The following OSTN variants were observed in gnomAD, a reference collection of about 807,000 sequenced individuals.
OSTN encodes osteocrin.
In OSTN, 9 loss-of-function variants were observed where a neutral mutation model predicts 12.0. The observed-to-expected ratio is 0.75, with a 90% confidence interval of 0.45 to 1.30. The LOEUF (loss-of-function observed/expected upper bound fraction) is 1.30. Ranked by LOEUF, OSTN falls within the 50% of genes most tolerant of loss-of-function variation. The pLI, the probability that OSTN is intolerant of heterozygous loss-of-function variation, is 0.00. For missense variants in OSTN, 148 were observed against 152.3 expected, an observed-to-expected ratio of 0.97 and a Z score of 0.15; for synonymous variants, 59 against 56.9, an observed-to-expected ratio of 1.04 and a Z score of -0.16.
chr3:191,260,625 G>A (rs1013629804), intron 4 of OSTN, among the ~76,000 whole-genome samples: 1 of 152,056 alleles, frequency 6.6e-6, no homozygotes, highest in African/African-American at 2.4e-5. Context: ...CCCCGCCCCC[G>A]AGCTTGGGAG....
intron 3 of OSTN, among the ~76,000 whole-genome samples, chr3:191,244,322 T>C (rs2108548704): frequency 6.6e-6 from 1 of 152,112 alleles, no homozygotes; most frequent in African/African-American, 2.4e-5. Flanking sequence ...CTAATCATTG[T>C]GATTGTATTA....
In OSTN at chr3:191,206,708, C is replaced by T. The variant is rs138939959; in HGVS notation, c.1-5825C>T. Among the ~76,000 whole-genome samples the T allele has an allele frequency of 1.7e-3, 255 of 152,336 alleles. 2 individuals are homozygous for T. Among genetic ancestry groups the T allele is most frequent in the African/African-American group, 6.0e-3 (248 of 41,578 alleles). ...AAAGTGTTTGCCCAACATCACATCA[C>T]TAAATAGCAACAGAGGCAATGAAGA... On this transcript the variant is annotated intron_variant, in intron 1 of 4. Coordinates refer to ENST00000682035, the MANE Select transcript of OSTN (RefSeq NM_198184.2).
chr3:191,244,025 G>A (rs1479956359), intron 3 of OSTN, among the ~76,000 whole-genome samples: 1 of 152,076 alleles, frequency 6.6e-6, no homozygotes, highest in Non-Finnish European at 1.5e-5. Context: ...AGGAATACCA[G>A]AATTTCTAAA....
intron 4 of OSTN, among the ~76,000 whole-genome samples, chr3:191,262,351 T>G (rs1715831347): frequency 6.6e-6 from 1 of 152,246 alleles, no homozygotes. Context: ...TATATTGACA[T>G]ATATTGACAT....
At chr3:191,224,799 C>T (rs568789256) in intron 3 of OSTN, among the ~76,000 whole-genome samples, 1 of 151,946 alleles carries the variant, frequency 6.6e-6, no homozygotes, top group African/African-American at 2.4e-5. Flanking sequence ...TGTATTCTTA[C>T]ACACTTTATT....
intron 1 of OSTN, among the ~76,000 whole-genome samples, chr3:191,211,909 G>A (rs146588102): frequency 0.014 from 2,193 of 152,006 alleles, 14 homozygotes; most frequent in Non-Finnish European, 0.022. Flanking sequence ...TACATATCAT[G>A]TATATATTCA....
At chr3:191,256,047 G>A (rs1715662617) in intron 4 of OSTN, among the ~76,000 whole-genome samples, 1 of 151,908 alleles carries the variant, frequency 6.6e-6, no homozygotes, top group African/African-American at 2.4e-5. Flanking sequence ...AAGAGTCAGA[G>A]TAAAATAATA....
intron 3 of OSTN, among the ~76,000 whole-genome samples, chr3:191,241,989 A>C (rs933690012): frequency 6.6e-6 from 1 of 152,140 alleles, no homozygotes; most frequent in Admixed American, 6.5e-5. Context: ...AAAAATAGCA[A>C]AACAAATAGC....
At chr3:191,237,074 A>T (rs1715210007) in intron 3 of OSTN, among the ~76,000 whole-genome samples, 1 of 152,150 alleles carries the variant, frequency 6.6e-6, no homozygotes. Flanking sequence ...GAGGGGAAAA[A>T]TGGCAGGGAG....
intron 1 of OSTN, among the ~76,000 whole-genome samples, chr3:191,211,932 TTAAG>T (rs1203942936): frequency 6.6e-6 from 1 of 152,106 alleles, no homozygotes; most frequent in Non-Finnish European, 1.5e-5. Context: ...ATATCTTCCA[TTAAG>T]TAATTTGTCT....
chr3:191,231,249 CA>C (rs1172903876), intron 3 of OSTN, among the ~76,000 whole-genome samples: 3 of 151,832 alleles, frequency 2.0e-5, no homozygotes, highest in Non-Finnish European at 4.4e-5. Flanking sequence ...TAGTTAAAAA[CA>C]ATTTCAGACT....
chr3:191,234,174 G>A (rs1291206511), intron 3 of OSTN, among the ~76,000 whole-genome samples: 1 of 151,932 alleles, frequency 6.6e-6, no homozygotes, highest in Non-Finnish European at 1.5e-5. Flanking sequence ...TAATATTTTA[G>A]GTCAGTAAAG....
At chr3:191,235,289 C>A (rs558262358) in intron 3 of OSTN, among the ~76,000 whole-genome samples, 1 of 152,116 alleles carries the variant, frequency 6.6e-6, no homozygotes, top group South Asian at 2.1e-4. Flanking sequence ...TTATATGTGA[C>A]CCCAAACCAT....
intron 3 of OSTN, among the ~76,000 whole-genome samples, chr3:191,248,268 T>G (rs1217258968): frequency 6.6e-6 from 1 of 152,162 alleles, no homozygotes; most frequent in African/African-American, 2.4e-5. Flanking sequence ...CTGAGAATAG[T>G]CAGTTATAGG....
At chr3:191,201,652 G>A (rs2108586736) in intron 1 of OSTN, among the ~76,000 whole-genome samples, 1 of 152,078 alleles carries the variant, frequency 6.6e-6, no homozygotes, top group South Asian at 2.1e-4. Flanking sequence ...TGCACCAAAT[G>A]TTAGAGTGAT....
chr3:191,224,962 A>G (rs1016950642), intron 3 of OSTN, among the ~76,000 whole-genome samples: 1 of 152,214 alleles, frequency 6.6e-6, no homozygotes, highest in Admixed American at 6.5e-5. Context: ...GCAGAAAAAA[A>G]GCATAAGGTA....
intron 3 of OSTN, among the ~76,000 whole-genome samples, chr3:191,247,487 A>G (rs2108550619): frequency 6.6e-6 from 1 of 152,306 alleles, no homozygotes; most frequent in African/African-American, 2.4e-5. Context: ...ATTTTTATCT[A>G]GGAGAAAAAA....
chr3:191,265,540 C>T lies in OSTN; in HGVS notation c.*2687C>T, dbSNP rs572457300. ...ATAAAAAGCTTTCTGAATGATATTA[C>T]CCCTTATACCTAAAGGCTCAAGATG... On this transcript the variant is annotated 3_prime_UTR_variant, in exon 5 of 5. Transcript: ENST00000682035. The T allele has an allele frequency of 6.6e-6, 1 of 152,292 alleles. No homozygotes were observed. Among genetic ancestry groups the T allele is most frequent in the East Asian group, 1.9e-4 (1 of 5,190 alleles). The allele number at this position is 152,292 out of a possible 1,614,324, so 9.4% of individuals were successfully genotyped here.
At chr3:191,252,506 T>C (rs1460420240) in intron 4 of OSTN, among the ~76,000 whole-genome samples, 2 of 152,250 alleles carry the variant, frequency 1.3e-5, no homozygotes, top group Non-Finnish European at 2.9e-5. Context: ...TTAGCAAACT[T>C]TGTTAAGCAT....
Sources: allele counts gnomAD v4.1 joint callset (sites outside exome capture counted in the v4.1 genomes callset), GRCh38; gene constraint gnomAD v4.1.1; transcripts MANE v1.5; gene names NCBI Gene and HGNC (gene_info 2026-07-23, HGNC 2026-07-21).